PARVB: variants seen among roughly 807,000 people sequenced by gnomAD.
PARVB encodes the protein beta-parvin.
Under a neutral mutation model 47.0 loss-of-function variants are expected in PARVB, and 46 were observed. The observed-to-expected ratio is 0.98, with a 90% CI of 0.77 to 1.25. The LOEUF (loss-of-function observed/expected upper bound fraction) is 1.25. PARVB is among the 50% of genes most tolerant of loss of function. The pLI is 0.00. For synonymous variants in PARVB, 196 were observed against 196.3 expected (o/e 1.00, Z 0.01); for missense variants, 473 against 471.6 (o/e 1.00, Z -0.03).
At chr22:44,151,029 C>CA (rs35913551) in intron 9 of PARVB, 7,226 of 51,524 alleles carry the variant, frequency 0.14, 909 homozygotes, top group Non-Finnish European at 0.18. Context: ...GAGACTGTCT[C>CA]AAAAAAAAAA....
chr22:44,123,770 A>G (rs1238050903), intron 4 of PARVB, among the ~76,000 whole-genome samples: 2 of 152,240 alleles, frequency 1.3e-5, no homozygotes, highest in South Asian at 2.1e-4. Context: ...GGCTCAAACA[A>G]TCCACCCACC....
Position 44,068,403 on chromosome 22 carries a change from G to A in PARVB, c.113-25525G>A, listed in dbSNP as rs1215950685. Among the ~76,000 whole-genome samples, 1 of 152,180 alleles carries A rather than the reference G, an allele frequency of 6.6e-6. No individual in the cohort carries two copies. The highest frequency in any genetic ancestry group is 1.5e-5 in the Non-Finnish European group (1 of 68,038). On this transcript the variant is annotated intron_variant, in intron 1 of 12. Transcript: ENST00000338758. The surrounding 1 kb of genome is among the most constrained non-coding windows in gnomAD (Gnocchi z 4.1). ...CAGGAGAGGGTTCAGGCCGAGGAAA[G>A]GGGGAGCAAGTTGCCGGCCAAGGTA...
At chr22:44,042,944 T>G (rs2051045641) in intron 1 of PARVB, among the ~76,000 whole-genome samples, 1 of 152,182 alleles carries the variant, frequency 6.6e-6, no homozygotes, top group Non-Finnish European at 1.5e-5. Flanking sequence ...GAAGGAGACT[T>G]GTGTTTGTTT....
chr22:44,038,354 T>C (rs2050958103), intron 1 of PARVB, among the ~76,000 whole-genome samples: 1 of 152,240 alleles, frequency 6.6e-6, no homozygotes, highest in South Asian at 2.1e-4. Context: ...CTGATCTTTC[T>C]GGGCCCTGGA....
rs976504405 is a variant in PARVB, at chr22:44,155,135, G to A, written c.844-2847G>A. 1.3e-5 allele frequency among the ~76,000 whole-genome samples: 2 copies of A among 151,990 alleles called. No homozygotes were observed. Among genetic ancestry groups the A allele is most frequent in the African/African-American group, 2.4e-5 (1 of 41,378 alleles). On this transcript the variant is annotated intron_variant, in intron 10 of 12. Coordinates refer to ENST00000338758, the MANE Select transcript of PARVB (RefSeq NM_013327.5). The surrounding 1 kb of genome is among the most constrained non-coding windows in gnomAD (Gnocchi z 4.8). ...CTTTTCCAAACCATTCTTACATTGC[G>A]GACAGCGTCCCAGCTCTGTGATGGT... is the stretch of plus-strand genomic sequence containing the variant.
chr22:44,086,764 A>T (rs2147021801), intron 1 of PARVB: 1 of 985,464 alleles, frequency 1.0e-6, no homozygotes, highest in South Asian at 4.7e-5. Flanking sequence ...TTCGTGCCTG[A>T]TGAAGTTAGT....
At chr22:44,120,697 T>C (rs2053025709) in intron 4 of PARVB, among the ~76,000 whole-genome samples, 1 of 151,176 alleles carries the variant, frequency 6.6e-6, no homozygotes, top group African/African-American at 2.5e-5. Context: ...TTTGGTAGAG[T>C]CAGGATCTCA....
intron 4 of PARVB, among the ~76,000 whole-genome samples, chr22:44,129,681 G>A (rs1601650756): frequency 6.6e-6 from 1 of 152,210 alleles, no homozygotes; most frequent in African/African-American, 2.4e-5. Flanking sequence ...ATGACTCAGC[G>A]AGGAGCTGTT....
At chr22:44,160,243 G>A (rs1057428419) in intron 11 of PARVB, among the ~76,000 whole-genome samples, 5 of 152,168 alleles carry the variant, frequency 3.3e-5, no homozygotes, top group East Asian at 1.9e-4. Flanking sequence ...TCCTGGAGAC[G>A]TGGAGATCTT....
rs549498310 is a variant in PARVB, at chr22:44,030,844, C to T, written c.112+6393C>T. Among the ~76,000 whole-genome samples the T allele has an allele frequency of 4.6e-5, 7 of 152,194 alleles. No homozygotes were observed. In the East Asian group the frequency reaches 1.4e-3, roughly 29 times the overall value. On this transcript the variant is annotated intron_variant, in intron 1 of 12. Coordinates refer to ENST00000338758, the MANE Select transcript of PARVB (RefSeq NM_013327.5). ...TCCAGGCCCTCTGTGCTCACGTGACCCCTCTGATAGCGTCAGGGCCCGTAG... is the reference window on the plus strand; with the variant it reads ...TCCAGGCCCTCTGTGCTCACGTGACTCCTCTGATAGCGTCAGGGCCCGTAG...
At chr22:44,085,469 T>G (rs1379330798) in intron 1 of PARVB, among the ~76,000 whole-genome samples, 1 of 152,122 alleles carries the variant, frequency 6.6e-6, no homozygotes, top group Non-Finnish European at 1.5e-5. Flanking sequence ...CATTCCTGGC[T>G]AATTTTTGTA....
intron 1 of PARVB, among the ~76,000 whole-genome samples, chr22:44,024,676 G>C (rs1054630748): frequency 1.3e-5 from 2 of 152,070 alleles, no homozygotes; most frequent in Admixed American, 1.3e-4. Context: ...TGCCAAACGC[G>C]CGTGCGGGCG....
chr22:44,139,676 C>G (rs1273769061), intron 7 of PARVB: 2 of 164,426 alleles, frequency 1.2e-5, no homozygotes, highest in Admixed American at 1.2e-4. Context: ...GTCTCGAACT[C>G]CTGACCTCAA....
chr22:44,050,763 T>C (rs750818999), intron 1 of PARVB, among the ~76,000 whole-genome samples: 25 of 149,848 alleles, frequency 1.7e-4, no homozygotes, highest in Non-Finnish European at 2.8e-4. Context: ...TTAGACACAT[T>C]GTCTCTGAAC....
chr22:44,090,319 C>T (rs981551462), intron 1 of PARVB, among the ~76,000 whole-genome samples: 2 of 152,210 alleles, frequency 1.3e-5, no homozygotes, highest in Admixed American at 1.3e-4. Flanking sequence ...TCCTGGTCCC[C>T]GAAGCCTTTG....
At chr22:44,099,170 C>T (rs948904245) in intron 2 of PARVB, among the ~76,000 whole-genome samples, 4 of 152,168 alleles carry the variant, frequency 2.6e-5, no homozygotes, top group African/African-American at 4.8e-5. Flanking sequence ...TAGAGCCTCC[C>T]GGTGAGTGGA....
At chr22:44,020,159 C>T (rs1603423516), upstream of PARVB, among the ~76,000 whole-genome samples, 2 of 151,862 alleles carry the variant, frequency 1.3e-5, no homozygotes, top group African/African-American at 4.8e-5. Flanking sequence ...GGGCTCAGTC[C>T]CACAAGACAG....
chr22:44,096,387 G>A (rs1177193335), intron 2 of PARVB, among the ~76,000 whole-genome samples: 1 of 152,186 alleles, frequency 6.6e-6, no homozygotes, highest in Non-Finnish European at 1.5e-5. Flanking sequence ...AACAGAGTGA[G>A]ACCTTGTCTC....
At position 44,000,159 on chromosome 22, in the gene PARVB, C is replaced by A. The variant is rs577807490; in HGVS notation, c.211+486C>A. On this transcript the variant is annotated intron_variant, in intron 2 of 13. Coordinates refer to the PARVB transcript ENST00000406477. ...ATCTTGGTGTATTCAGCAATAGATT[C>A]CACTCTTAGTGGATGCCACTCATGA... 3.2e-4 allele frequency among the ~76,000 whole-genome samples: 49 copies of A among 152,326 alleles called. No homozygotes were observed. In the Middle Eastern group the frequency reaches 0.014, roughly 42 times the overall value.
Sources: gnomAD v4.1 joint callset for allele counts (sites outside exome capture counted in the v4.1 genomes callset) on GRCh38, gnomAD v4.1.1 for gene constraint, Gnocchi (gnomAD v3.1) non-coding constraint, MANE v1.5 for transcripts, NCBI Gene and HGNC (gene_info 2026-07-23, HGNC 2026-07-21) for gene names.